Variants in EPS15 observed in about 807,000 individuals in gnomAD.
The protein encoded by EPS15 is epidermal growth factor receptor substrate 15.
A neutral mutation model predicts 113.8 loss-of-function variants in EPS15; 72 were observed. That is an observed-to-expected ratio of 0.63 (90% CI 0.52 to 0.77). The LOEUF (loss-of-function observed/expected upper bound fraction) is 0.77, where lower values mean the gene tolerates loss of function less well. EPS15 is among the 30% of genes least tolerant of loss of function. EPS15 has a pLI of 0.00. For missense variants in EPS15, 1,048 were observed against 1,045.8 expected, an observed-to-expected ratio of 1.00 and a Z score of -0.03; for synonymous variants, 344 against 363.4, an observed-to-expected ratio of 0.95 and a Z score of 0.61.
intron 14 of EPS15, among the ~76,000 whole-genome samples, chr1:51,408,613 T>C (rs1419421009): frequency 6.6e-6 from 1 of 151,550 alleles, no homozygotes; most frequent in Non-Finnish European, 1.5e-5. Context: ...TTTGATGTTG[T>C]TGTTGTTGTT....
chr1:51,357,099 C>CTA (rs1477828227), intron 24 of EPS15, among the ~76,000 whole-genome samples: 1 of 151,608 alleles, frequency 6.6e-6, no homozygotes, highest in African/African-American at 2.4e-5. Flanking sequence ...TGCCACTAGG[C>CTA]TAGATGTGGT....
At chr1:51,473,201 G>C (rs1401950986) in intron 2 of EPS15, among the ~76,000 whole-genome samples, 1 of 152,168 alleles carries the variant, frequency 6.6e-6, no homozygotes. Context: ...AAGCTCAGAG[G>C]ATTGTCAAAG....
At chr1:51,473,401 A>T (rs1411846379) in intron 2 of EPS15, among the ~76,000 whole-genome samples, 2 of 152,214 alleles carry the variant, frequency 1.3e-5, no homozygotes, top group Non-Finnish European at 2.9e-5. Flanking sequence ...ACCTACTCTT[A>T]GGAACTGCAG....
At chr1:51,388,272 C>T (rs1413897592) in intron 21 of EPS15, among the ~76,000 whole-genome samples, 5 of 152,136 alleles carry the variant, frequency 3.3e-5, no homozygotes, top group Non-Finnish European at 5.9e-5. Context: ...TTGAAACCAA[C>T]GAGCACAAAG....
intron 13 of EPS15, among the ~76,000 whole-genome samples, chr1:51,412,282 G>C (rs1649797388): frequency 6.6e-6 from 1 of 152,084 alleles, no homozygotes; most frequent in Non-Finnish European, 1.5e-5. Flanking sequence ...CCTAGATGAT[G>C]GGTTGATGGG....
Position 51,496,702 on chromosome 1 carries a change from T to C in EPS15, c.34-15388A>G, listed in dbSNP as rs568410174. 3.9e-5 allele frequency among the ~76,000 whole-genome samples: 6 copies of C among 152,336 alleles called. No individual in the cohort carries two copies. The South Asian group carries it at 1.0e-3, about 26-fold the overall frequency. ...TGATCTCTTCAGTATAAAGAAATAT[T>C]TTAAAATACTGCAGTTTTCTGTTAC... On this transcript the variant is annotated intron_variant, in intron 1 of 24. Coordinates refer to ENST00000371733, the MANE Select transcript of EPS15 (RefSeq NM_001981.3).
At chr1:51,443,183 C>A (rs949115755) in intron 11 of EPS15, among the ~76,000 whole-genome samples, 3 of 152,010 alleles carry the variant, frequency 2.0e-5, no homozygotes, top group African/African-American at 7.2e-5. Context: ...AACTATACCT[C>A]ATGCAACTTC....
intron 8 of EPS15, among the ~76,000 whole-genome samples, chr1:51,454,298 G>GT (rs1415438527): frequency 5.9e-5 from 9 of 152,054 alleles, no homozygotes; most frequent in Admixed American, 5.9e-4. Flanking sequence ...TTAAGGCTTA[G>GT]TAAGAATGTA....
intron 2 of EPS15, among the ~76,000 whole-genome samples, chr1:51,476,800 A>C (rs1643914232): frequency 6.6e-6 from 1 of 152,182 alleles, no homozygotes; most frequent in Non-Finnish European, 1.5e-5. Context: ...CCCAGGGATG[A>C]AACCCATTTG....
At position 51,457,717 on chromosome 1, in the gene EPS15, T is replaced by C. The variant is rs1654122006; in HGVS notation, c.561+3374A>G. Reference sequence around the variant, plus strand: ...TTATCACATGAGACCAGGAGTGGAATTTTCCACTTTGTGGGTCATGTCAGT... The same window carrying C: ...TTATCACATGAGACCAGGAGTGGAACTTTCCACTTTGTGGGTCATGTCAGT... On this transcript the variant is annotated intron_variant, in intron 8 of 24. Transcript: ENST00000371733. 4 of 152,124 alleles carry C rather than the reference T, an allele frequency of 2.6e-5. No individual in the cohort carries two copies. The South Asian group carries it at 8.3e-4, about 31-fold the overall frequency. The allele number at this position is 152,124 out of a possible 1,614,324, so 9.4% of individuals were successfully genotyped here.
At chr1:51,491,418 C>T (rs1644230170) in intron 1 of EPS15, among the ~76,000 whole-genome samples, 1 of 152,092 alleles carries the variant, frequency 6.6e-6, no homozygotes, top group Non-Finnish European at 1.5e-5. Context: ...CACCAAGAGT[C>T]TATGTTTTTA....
chr1:51,504,555 C>T (rs991427435), intron 1 of EPS15, among the ~76,000 whole-genome samples: 3 of 151,946 alleles, frequency 2.0e-5, no homozygotes, highest in Non-Finnish European at 4.4e-5. Flanking sequence ...AGAATTCTTA[C>T]AACTCAATAA....
At chr1:51,489,193 A>G (rs1644182987) in intron 1 of EPS15, among the ~76,000 whole-genome samples, 1 of 151,196 alleles carries the variant, frequency 6.6e-6, no homozygotes, top group Non-Finnish European at 1.5e-5. Flanking sequence ...TAAGGAAAAA[A>G]TATGTTATTA....
chr1:51,486,821 A>ATT (rs961869534), intron 1 of EPS15, among the ~76,000 whole-genome samples: 1 of 150,932 alleles, frequency 6.6e-6, no homozygotes, highest in African/African-American at 2.5e-5. Context: ...CACCTGGCTA[A>ATT]TTTTTGTGTG....
At chr1:51,485,923 A>G (rs532313218) in intron 1 of EPS15, among the ~76,000 whole-genome samples, 2 of 151,962 alleles carry the variant, frequency 1.3e-5, no homozygotes, top group East Asian at 3.9e-4. Flanking sequence ...TCAGCCTCCC[A>G]AGTAGCTGGG....
At chr1:51,437,370 GTAT>G (rs771461175) in intron 12 of EPS15, among the ~76,000 whole-genome samples, 4 of 151,126 alleles carry the variant, frequency 2.6e-5, no homozygotes, top group Admixed American at 6.6e-5. Context: ...CAATGAATAT[GTAT>G]TATAACTATC....
chr1:51,436,320 G>C (rs1263758133), intron 12 of EPS15, among the ~76,000 whole-genome samples: 1 of 152,114 alleles, frequency 6.6e-6, no homozygotes, highest in Non-Finnish European at 1.5e-5. Context: ...TCCAAAGGAG[G>C]AAAAGGCTCA....
intron 12 of EPS15, among the ~76,000 whole-genome samples, chr1:51,425,893 A>G (rs192212700): frequency 6.6e-6 from 1 of 152,200 alleles, no homozygotes; most frequent in African/African-American, 2.4e-5. Flanking sequence ...TAAATTTGTT[A>G]AAAGGAATTA....
intron 14 of EPS15, 90 bp from the exon 15 acceptor site, chr1:51,408,422 G>T: frequency 1.0e-6 from 1 of 957,096 alleles, no homozygotes; most frequent in Non-Finnish European, 1.6e-6. Flanking sequence ...TATTTGTTTA[G>T]TTTACTATTT....
Sources: allele counts gnomAD v4.1 joint callset (sites outside exome capture counted in the v4.1 genomes callset), GRCh38; gene constraint gnomAD v4.1.1; transcripts MANE v1.5; gene names NCBI Gene and HGNC (gene_info 2026-07-23, HGNC 2026-07-21).